Variants in CADPS observed in about 807,000 individuals in gnomAD.
The protein encoded by CADPS is calcium dependent secretion activator.
A neutral mutation model predicts 167.3 loss-of-function variants in CADPS; 57 were observed. The ratio of observed to expected loss-of-function variants is 0.34; its 90% confidence interval spans 0.28 to 0.42. The LOEUF (loss-of-function observed/expected upper bound fraction) is 0.42, where lower values mean the gene tolerates loss of function less well. CADPS is among the 20% of genes least tolerant of loss of function. CADPS has a pLI of 1.00. For missense variants in CADPS, 1,414 were observed against 1,738.1 expected, an observed-to-expected ratio of 0.81 and a Z score of 3.32; for synonymous variants, 676 against 635.3, an observed-to-expected ratio of 1.06 and a Z score of -0.96.
At chr3:62,839,622 A>T (rs939709711) in intron 1 of CADPS, among the ~76,000 whole-genome samples, 1 of 152,176 alleles carries the variant, frequency 6.6e-6, no homozygotes, top group Non-Finnish European at 1.5e-5. Flanking sequence ...TGTAGGGTTT[A>T]CGTAGAGGAA....
chr3:62,695,014 C>T (rs2080011433), intron 3 of CADPS, among the ~76,000 whole-genome samples: 1 of 152,132 alleles, frequency 6.6e-6, no homozygotes, highest in African/African-American at 2.4e-5. Context: ...TCTTCCCATC[C>T]TGCAACTTTG....
chr3:62,822,610 G>A (rs903129756), intron 1 of CADPS, among the ~76,000 whole-genome samples: 6 of 152,214 alleles, frequency 3.9e-5, no homozygotes, highest in Non-Finnish European at 8.8e-5. Flanking sequence ...GGGAGGCCGA[G>A]ACGGGTGGAT....
chr3:62,474,153 A>ATTTTTTTTTTTTTTTTTTTTTT lies in CADPS; in HGVS notation c.3477+19_3477+20insAAAAAAAAAAAAAAAAAAAAAA, dbSNP rs61586697. ...AATGAAGAGGGAAAAAAAAATCTGTATTTTTTTTTTTTTTTTTACCTCTTG... is the reference window on the plus strand; with the variant it reads ...AATGAAGAGGGAAAAAAAAATCTGTATTTTTTTTTTTTTTTTTTTTTTTTTTTTTTTTTTTTTTTACCTCTTG... On this transcript the variant is annotated intron_variant, in intron 24 of 29. Transcript: ENST00000383710. 191 of 740,320 alleles carry ATTTTTTTTTTTTTTTTTTTTTT rather than the reference A, an allele frequency of 2.6e-4. 35 individuals are homozygous for ATTTTTTTTTTTTTTTTTTTTTT. The highest frequency in any genetic ancestry group is 1.3e-3 in the African/African-American group (43 of 31,950). 45.9% of individuals were successfully genotyped at this position (740,320 alleles called of 1,614,324 possible).
chr3:62,649,191 A>C (rs894699015), intron 5 of CADPS, among the ~76,000 whole-genome samples: 5 of 152,160 alleles, frequency 3.3e-5, no homozygotes, highest in African/African-American at 1.2e-4. Context: ...AACTTTAGTA[A>C]GTTACAAGTG....
chr3:62,449,666 T>C (rs772228917), intron 26 of CADPS, among the ~76,000 whole-genome samples: 12 of 152,180 alleles, frequency 7.9e-5, no homozygotes, highest in Non-Finnish European at 1.5e-4. Context: ...GCCCTTACCA[T>C]CTACACAAGG....
At chr3:62,578,876 T>C (rs1166746134) in intron 8 of CADPS, among the ~76,000 whole-genome samples, 3 of 152,078 alleles carry the variant, frequency 2.0e-5, no homozygotes, top group Admixed American at 6.6e-5. Context: ...CTAAAGATAT[T>C]TGATTAGTCT....
At chr3:62,560,032 C>T (rs1221194799) in intron 9 of CADPS, among the ~76,000 whole-genome samples, 1 of 148,116 alleles carries the variant, frequency 6.8e-6, no homozygotes, top group Non-Finnish European at 1.5e-5. Flanking sequence ...GAGCTGTATG[C>T]TGATGCCCTC....
At chr3:62,510,255 T>C (rs1042293538) in intron 17 of CADPS, among the ~76,000 whole-genome samples, 9 of 152,162 alleles carry the variant, frequency 5.9e-5, no homozygotes, top group Admixed American at 3.3e-4. Context: ...TTTCTGTCTA[T>C]ATCTATCTGC....
At chr3:62,484,756 A>G (rs781411407) in intron 21 of CADPS, among the ~76,000 whole-genome samples, 1 of 152,194 alleles carries the variant, frequency 6.6e-6, no homozygotes, top group Non-Finnish European at 1.5e-5. Flanking sequence ...ACTCTAATCA[A>G]GACACTGACT....
In CADPS at chr3:62,810,327, A is replaced by C. The variant is rs201688245; in HGVS notation, c.442-44343T>G. Among the ~76,000 whole-genome samples the C allele has an allele frequency of 1.5e-4, 23 of 152,322 alleles. No individual in the cohort carries two copies. The East Asian group carries it at 2.3e-3, about 15-fold the overall frequency. ...AATAAATGAGCAATTTTATTCACAT[A>C]ATCACCCAATATAACTACCAGTTTA... is the stretch of plus-strand genomic sequence containing the variant. On this transcript the variant is annotated intron_variant, in intron 1 of 29. Coordinates refer to ENST00000383710, the MANE Select transcript of CADPS (RefSeq NM_003716.4).
At chr3:62,801,775 G>A (rs1237507740) in intron 1 of CADPS, among the ~76,000 whole-genome samples, 1 of 146,500 alleles carries the variant, frequency 6.8e-6, no homozygotes, top group Non-Finnish European at 1.5e-5. Context: ...GCCCAGCTGA[G>A]TGAAGCTACT....
intron 3 of CADPS, among the ~76,000 whole-genome samples, chr3:62,706,601 G>C (rs968277644): frequency 1.3e-5 from 2 of 152,112 alleles, no homozygotes; most frequent in Non-Finnish European, 2.9e-5. Flanking sequence ...GGGAGAGTCT[G>C]TTCTGGGCCT....
Position 62,530,500 on chromosome 3 carries a change from G to C in CADPS, c.2291+2371C>G, listed in dbSNP as rs575591726. 3.3e-5 allele frequency among the ~76,000 whole-genome samples: 5 copies of C among 151,702 alleles called. No homozygotes were observed. The South Asian group carries it at 1.0e-3, about 31-fold the overall frequency. On this transcript the variant is annotated intron_variant, in intron 13 of 29. Coordinates refer to ENST00000383710, the MANE Select transcript of CADPS (RefSeq NM_003716.4). ...TACACGGTATTTTTGCCCATTGCTA[G>C]AATTTTTTTTTAAAATTGCACCTTT...
chr3:62,570,963 G>C, intron 8 of CADPS, 25 bp from the exon 9 acceptor site: 1 of 1,415,166 alleles, frequency 7.1e-7, no homozygotes, highest in East Asian at 2.3e-5. Context: ...AAAGACCAGA[G>C]CTGCATTAAT....
intron 1 of CADPS, among the ~76,000 whole-genome samples, chr3:62,774,907 G>T (rs2089888473): frequency 6.6e-6 from 1 of 152,144 alleles, no homozygotes; most frequent in South Asian, 2.1e-4. Flanking sequence ...GTATTTTCTT[G>T]AAAGTTAGAT....
At chr3:62,565,681 C>G (rs1315098251) in intron 9 of CADPS, among the ~76,000 whole-genome samples, 1 of 152,212 alleles carries the variant, frequency 6.6e-6, no homozygotes, top group Non-Finnish European at 1.5e-5. Context: ...GCTTCATTCC[C>G]TTCACAGTTG....
intron 6 of CADPS, among the ~76,000 whole-genome samples, chr3:62,641,990 T>C (rs2067516736): frequency 6.6e-6 from 1 of 152,014 alleles, no homozygotes; most frequent in Admixed American, 6.6e-5. Context: ...AGTGAAGAGA[T>C]GGCACTGATA....
intron 3 of CADPS, among the ~76,000 whole-genome samples, chr3:62,749,256 T>C (rs1233465319): frequency 1.3e-5 from 2 of 152,246 alleles, no homozygotes; most frequent in Non-Finnish European, 2.9e-5. Flanking sequence ...TTGATAGACA[T>C]GGTTCATGTT....
At chr3:62,866,420 T>G (rs1370518574) in intron 1 of CADPS, among the ~76,000 whole-genome samples, 1 of 152,016 alleles carries the variant, frequency 6.6e-6, no homozygotes, top group Non-Finnish European at 1.5e-5. Flanking sequence ...ACCTACTACA[T>G]GTCAGGTACT....
Sources: gnomAD v4.1 joint callset for allele counts (sites outside exome capture counted in the v4.1 genomes callset) on GRCh38, gnomAD v4.1.1 for gene constraint, MANE v1.5 for transcripts, NCBI Gene and HGNC (gene_info 2026-07-23, HGNC 2026-07-21) for gene names.